The following SHROOM3 variants were observed in gnomAD, a reference collection of about 807,000 sequenced individuals.
SHROOM3 encodes the protein shroom family member 3, also known as protein Shroom3.
SHROOM3 carries 47 observed loss-of-function variants against 138.6 expected under a neutral mutation model. The ratio of observed to expected loss-of-function variants is 0.34; its 90% CI spans 0.27 to 0.43. SHROOM3 has a LOEUF of 0.43. SHROOM3 is among the 20% of genes least tolerant of loss of function. The pLI, the probability that SHROOM3 is intolerant of heterozygous loss-of-function variation, is 1.00. For synonymous variants in SHROOM3, 1,062 were observed against 1,063.3 expected (o/e 1.00, Z 0.02); for missense variants, 2,491 against 2,596.5 (o/e 0.96, Z 0.88).
intron 2 of SHROOM3, among the ~76,000 whole-genome samples, chr4:76,650,198 G>A (rs189938593): frequency 6.6e-6 from 1 of 152,232 alleles, no homozygotes; most frequent in Admixed American, 6.5e-5. Flanking sequence ...AATTTGGGGA[G>A]TACATAAACA....
chr4:76,740,352 G>A lies in SHROOM3; in HGVS notation c.2179G>A (p.Gly727Arg), dbSNP rs745990671. 1.5e-5 allele frequency: 24 copies of A among 1,612,968 alleles called. No individual in the cohort carries two copies. In the South Asian group the frequency reaches 2.4e-4, roughly 16 times the overall value. The change falls in exon 5 of 11, where the codon GGG (glycine) becomes AGG (arginine). Residue 727 changes from glycine (G) to arginine (R), a missense_variant. By Grantham distance (125) the Gly-to-Arg change is moderately radical. Coordinates refer to ENST00000296043, the MANE Select transcript of SHROOM3 (RefSeq NM_020859.4). The surrounding 1 kb of genome is among the most constrained non-coding windows in gnomAD (Gnocchi z 4.0). ...GCAGGTTTCCTACCCGCGGCCCGAGGGGAGGACCGGTGCCTCGGCTTCTTT... is the reference window on the plus strand; with the variant it reads ...GCAGGTTTCCTACCCGCGGCCCGAGAGGAGGACCGGTGCCTCGGCTTCTTT... ...DRQVSYPRPE[G>R]RTGASASFNS...
At chr4:76,724,643 T>A (rs1720647217) in intron 3 of SHROOM3, among the ~76,000 whole-genome samples, 1 of 152,186 alleles carries the variant, frequency 6.6e-6, no homozygotes, top group Admixed American at 6.5e-5. Flanking sequence ...AAACTACTCT[T>A]TACGTTAATA....
chr4:76,713,155 T>G (rs546996721), intron 3 of SHROOM3, among the ~76,000 whole-genome samples: 6 of 152,338 alleles, frequency 3.9e-5, no homozygotes, highest in Non-Finnish European at 7.3e-5. Context: ...TACGCCAAAT[T>G]TATTTAAAAT....
At position 76,741,110 on chromosome 4, in the gene SHROOM3, G is replaced by T; in HGVS notation, c.2937G>T (p.Pro979=). The T allele has an allele frequency of 6.5e-7, 1 of 1,548,852 alleles. No homozygotes were observed. The highest frequency in any genetic ancestry group is 1.2e-5 in the South Asian group (1 of 84,160). Residue 979 remains proline (P), a synonymous_variant, in exon 5 of 11, where the codon CCG becomes CCT. Transcript: ENST00000296043. This position sits in a 1 kb window ranked among gnomAD's most constrained non-coding sequence, Gnocchi z 6.2. Reference sequence around the variant, plus strand: ...CCGAGGCGTCGGCCTCCGCCTCCCCGCACACGCCCCGGGAGCGGCACAGCG... The same window carrying T: ...CCGAGGCGTCGGCCTCCGCCTCCCCTCACACGCCCCGGGAGCGGCACAGCG... ...RSPEASASAS[P]HTPRERHSVT...
intron 2 of SHROOM3, among the ~76,000 whole-genome samples, chr4:76,633,194 GTC>G (rs1735375491): frequency 6.6e-6 from 1 of 151,526 alleles, no homozygotes. Flanking sequence ...AACTTGGTGA[GTC>G]TCTATGTGGT....
At chr4:76,471,380 A>T (rs959115565) in intron 1 of SHROOM3, among the ~76,000 whole-genome samples, 29 of 151,806 alleles carry the variant, frequency 1.9e-4, no homozygotes, top group African/African-American at 6.3e-4. Context: ...AGTAGCTGGG[A>T]CTACAGGTGC....
At chr4:76,513,605 T>G (rs1217392425) in intron 1 of SHROOM3, among the ~76,000 whole-genome samples, 2 of 152,160 alleles carry the variant, frequency 1.3e-5, no homozygotes, top group African/African-American at 2.4e-5. Flanking sequence ...TGAGCCACCG[T>G]GCCTGGCTGG....
chr4:76,698,572 C>G (rs1719812271), intron 2 of SHROOM3, among the ~76,000 whole-genome samples: 1 of 152,146 alleles, frequency 6.6e-6, no homozygotes, highest in Admixed American at 6.5e-5. Context: ...AGCCAGAGTC[C>G]CTTTACCTCA....
intron 2 of SHROOM3, among the ~76,000 whole-genome samples, chr4:76,614,634 T>C (rs540163856): frequency 6.6e-6 from 1 of 152,268 alleles, no homozygotes; most frequent in Admixed American, 6.5e-5. Context: ...ATGCTCTCCC[T>C]CCCTTTGCTC....
intron 1 of SHROOM3, among the ~76,000 whole-genome samples, chr4:76,537,290 C>T (rs1732973466): frequency 6.6e-6 from 1 of 151,976 alleles, no homozygotes; most frequent in Non-Finnish European, 1.5e-5. Flanking sequence ...TAGACCAATC[C>T]CAAGGAAGTA....
chr4:76,456,716 C>A (rs536402332), intron 1 of SHROOM3, among the ~76,000 whole-genome samples: 1 of 152,130 alleles, frequency 6.6e-6, no homozygotes, highest in Non-Finnish European at 1.5e-5. Flanking sequence ...TTGTTTCATG[C>A]GCGTCCGTGT....
rs535198370 is a variant in SHROOM3 at position 76,513,918 on chromosome 4, C to CATGT, written c.169-41690_169-41689insTGTA. Among the ~76,000 whole-genome samples the CATGT allele has an allele frequency of 5.4e-4, 82 of 152,162 alleles. 1 individual carries two copies. Among genetic ancestry groups the CATGT allele is most frequent in the Admixed American group, 1.7e-3 (26 of 15,276 alleles). ...TATCACTTAAAATGTTCTGCTGCTA[C>CATGT]AGTTCCTGGAGTAGGGGTAGAACCC... On this transcript the variant is annotated intron_variant, in intron 1 of 10. Transcript: ENST00000296043.
At chr4:76,471,533 C>T (rs1477324231) in intron 1 of SHROOM3, among the ~76,000 whole-genome samples, 1 of 152,178 alleles carries the variant, frequency 6.6e-6, no homozygotes, top group Non-Finnish European at 1.5e-5. Context: ...TGAGCCACCG[C>T]GCCCAGCCAG....
At chr4:76,440,772 G>A (rs1006886435) in intron 1 of SHROOM3, among the ~76,000 whole-genome samples, 1 of 152,092 alleles carries the variant, frequency 6.6e-6, no homozygotes. Context: ...TCCTCCATCA[G>A]TGCTTATATT....
intron 1 of SHROOM3, among the ~76,000 whole-genome samples, chr4:76,487,220 C>T (rs1731750354): frequency 1.3e-5 from 2 of 152,280 alleles, no homozygotes; most frequent in South Asian, 4.1e-4. Context: ...GTTTCTTGCA[C>T]TTAACGTAGT....
intron 2 of SHROOM3, among the ~76,000 whole-genome samples, chr4:76,584,181 G>T (rs1159697949): frequency 6.6e-6 from 1 of 152,156 alleles, no homozygotes; most frequent in Non-Finnish European, 1.5e-5. Flanking sequence ...AGCCAGGCGT[G>T]GTGGCACATG....
intron 2 of SHROOM3, among the ~76,000 whole-genome samples, chr4:76,579,023 A>G (rs984613962): frequency 6.6e-6 from 1 of 152,140 alleles, no homozygotes; most frequent in Admixed American, 6.6e-5. Context: ...AAAAATTTAA[A>G]AAAAAAATTA....
chr4:76,584,673 G>A (rs958219098), intron 2 of SHROOM3, among the ~76,000 whole-genome samples: 3 of 152,198 alleles, frequency 2.0e-5, no homozygotes, highest in Non-Finnish European at 4.4e-5. Context: ...GTCTGCAGCA[G>A]GAGGTTGTTA....
chr4:76,688,973 T>TTC, intron 2 of SHROOM3: 1 of 977,164 alleles, frequency 1.0e-6, no homozygotes, highest in East Asian at 1.1e-4. Flanking sequence ...TTTTTTTTTT[T>TTC]TTTTTAGCTG....
Sources: gnomAD v4.1 joint callset for allele counts (sites outside exome capture counted in the v4.1 genomes callset) on GRCh38, gnomAD v4.1.1 for gene constraint, Gnocchi (gnomAD v3.1) non-coding constraint, MANE v1.5 for transcripts, NCBI Gene and HGNC (gene_info 2026-07-23, HGNC 2026-07-21) for gene names.